WDR4: variants seen among roughly 807,000 people sequenced by gnomAD.
WDR4 encodes the protein WDR4 tRNA N7-guanosine methyltransferase non-catalytic subunit.
Under a neutral mutation model 48.6 loss-of-function variants are expected in WDR4, and 47 were observed. That is an observed-to-expected ratio of 0.97 (90% CI 0.77 to 1.23). The LOEUF (loss-of-function observed/expected upper bound fraction) is 1.23. WDR4 is among the 50% of genes most tolerant of loss of function. The pLI, the probability that WDR4 is intolerant of heterozygous loss-of-function variation, is 0.00. For synonymous variants in WDR4, 268 were observed against 230.0 expected (o/e 1.17, Z -1.49); for missense variants, 606 against 551.6 (o/e 1.10, Z -0.99).
In WDR4 at chr21:42,853,885, G is replaced by A. The variant is rs371907659; in HGVS notation, c.792-133C>T. Reference sequence around the variant, plus strand: ...AGCCTACGCTGAAAGCCCCAGCTGCGCCACTCCCAAATGCCGGCGCCGGGG... The same window carrying A: ...AGCCTACGCTGAAAGCCCCAGCTGCACCACTCCCAAATGCCGGCGCCGGGG... On this transcript the variant is annotated intron_variant, in intron 8 of 10. Coordinates refer to ENST00000398208, the MANE Select transcript of WDR4 (RefSeq NM_018669.6). 1.6e-4 allele frequency: 159 copies of A among 998,420 alleles called. 2 individuals carry two copies. The South Asian group carries it at 1.9e-3, about 12-fold the overall frequency. The allele number at this position is 998,420 out of a possible 1,614,324, so 61.8% of individuals were successfully genotyped here.
At chr21:42,884,247 C>G (rs549203478), upstream of WDR4, among the ~76,000 whole-genome samples, 52 of 152,286 alleles carry the variant, frequency 3.4e-4, 3 homozygotes, top group South Asian at 1.0e-2. Flanking sequence ...GAACATTCCA[C>G]TGGGAATGGA....
the WDR4 span, among the ~76,000 whole-genome samples, chr21:42,888,294 C>A: frequency 1.3e-5 from 2 of 152,196 alleles, no homozygotes; most frequent in Non-Finnish European, 2.9e-5. Context: ...CACAGTGGCT[C>A]ACCCCTGTAA....
intron 8 of WDR4, 76 bp from the exon 9 acceptor site, chr21:42,853,828 C>A: frequency 6.9e-7 from 1 of 1,447,580 alleles, no homozygotes; most frequent in South Asian, 1.3e-5. Context: ...GCACCCCAGA[C>A]GGTGCAGCCC....
At chr21:42,878,451 TA>T (rs1402765303) in intron 1 of WDR4, among the ~76,000 whole-genome samples, 1 of 152,242 alleles carries the variant, frequency 6.6e-6, no homozygotes, top group Non-Finnish European at 1.5e-5. Context: ...CGTGAGTCTC[TA>T]AAACAAAATC....
chr21:42,890,089 T>A, the WDR4 span, among the ~76,000 whole-genome samples: 40,757 of 150,392 alleles, frequency 0.27, 6,114 homozygotes, highest in African/African-American at 0.42. Flanking sequence ...AAGAAAAAAA[T>A]ATATATATTA....
chr21:42,863,274 T>C (rs1176883524), intron 4 of WDR4, among the ~76,000 whole-genome samples, 166 bp downstream of exon 4: 2 of 152,202 alleles, frequency 1.3e-5, no homozygotes, highest in African/African-American at 2.4e-5. Flanking sequence ...TGATTCAGCC[T>C]GTACCCCACA....
At chr21:42,883,006 G>A (rs556402637), upstream of WDR4, among the ~76,000 whole-genome samples, 1 of 150,746 alleles carries the variant, frequency 6.6e-6, no homozygotes, top group South Asian at 2.1e-4. Context: ...GGCTGAGGCA[G>A]GACAACCGCT....
chr21:42,891,433 T>C, the WDR4 span, among the ~76,000 whole-genome samples: 2 of 152,224 alleles, frequency 1.3e-5, no homozygotes, highest in African/African-American at 4.8e-5. Flanking sequence ...TTCTTTTTGT[T>C]TCTTCTTGAG....
Position 42,862,307 on chromosome 21 carries a change from C to G in WDR4, c.541G>C (p.Glu181Gln). 6.2e-7 allele frequency: 1 copy of G among 1,610,478 alleles called. No individual in the cohort carries two copies. Among genetic ancestry groups the G allele is most frequent in the Admixed American group, 1.7e-5 (1 of 59,702 alleles). ...VSWAAAPHSI[E>Q]SFCLGHTEFV... The stretch of plus-strand genomic sequence containing the variant: ...TCTGTGTGCCCCAAGCAGAAGGACT[C>G]GATGCTATGGGGCGCCGCGGCCCAG... The change falls in exon 5 of 11, where the codon GAG becomes CAG. Residue 181 changes from glutamate to glutamine, a missense_variant. Transcript: ENST00000398208. The surrounding 1 kb of genome is among the most constrained non-coding windows in gnomAD (Gnocchi z 4.3).
In WDR4 at chr21:42,863,581, C is replaced by T; in HGVS notation, c.312G>A (p.Arg104=). 1 of 1,613,728 alleles carries T rather than the reference C, an allele frequency of 6.2e-7. No homozygotes were observed. Among genetic ancestry groups the T allele is most frequent in the African/African-American group, 1.3e-5 (1 of 74,934 alleles). The part of the protein sequence containing the change: ...QCLSVRTVAR[R]CTALTFIASE... ...AGGCTATGAAAGTCAGGGCTGTACA[C>T]CTCCTTGCCACGGTCCTAGAAGGCC... Residue 104 remains arginine (R), a synonymous_variant, in exon 4 of 11, where the codon AGG becomes AGA. Transcript: ENST00000398208.
intron 10 of WDR4, among the ~76,000 whole-genome samples, chr21:42,851,792 T>G (rs1322672820): frequency 6.6e-6 from 1 of 152,206 alleles, no homozygotes; most frequent in Non-Finnish European, 1.5e-5. Context: ...GTGACCATCC[T>G]GCCCCTGCTC....
At chr21:42,876,229 T>G (rs927008370) in intron 2 of WDR4, among the ~76,000 whole-genome samples, 4 of 148,850 alleles carry the variant, frequency 2.7e-5, no homozygotes, top group Admixed American at 6.7e-5. Context: ...TTTTTTTTTT[T>G]GGGAGACAGA....
chr21:42,859,599 C>T, intron 6 of WDR4, 63 bp downstream of exon 6: 1 of 512,816 alleles, frequency 2.0e-6, no homozygotes, highest in Non-Finnish European at 3.8e-6. Flanking sequence ...CAGGAGGCGC[C>T]CACCCCACCC....
At chr21:42,871,453 C>T (rs1280567898) in intron 3 of WDR4, among the ~76,000 whole-genome samples, 2 of 152,372 alleles carry the variant, frequency 1.3e-5, no homozygotes, top group Non-Finnish European at 1.5e-5. Flanking sequence ...AGCAGGACAC[C>T]TCAAGGCCAC....
In WDR4 at chr21:42,863,487, C is replaced by T. The variant is rs536922287; in HGVS notation, c.406G>A (p.Gly136Arg). The T allele has an allele frequency of 4.0e-5, 65 of 1,613,934 alleles. No individual in the cohort carries two copies. Among genetic ancestry groups the T allele is most frequent in the African/African-American group, 1.7e-4 (13 of 74,892 alleles). The change falls in exon 4 of 11, where the codon GGG becomes AGG. Residue 136 changes from glycine (G) to arginine (R), a missense_variant. Transcript: ENST00000398208. ...TGCCCCAGCTCTAGACGGCCACACC[C>T]GTGTGGCTCCAGCACCGAAAAGGAG... ...VYSFSVLEPH[G>R]CGRLELGHLS...
the WDR4 span, among the ~76,000 whole-genome samples, chr21:42,892,569 C>T: frequency 2.4e-4 from 34 of 144,542 alleles, no homozygotes; most frequent in African/African-American, 7.9e-4. Context: ...GAAGGTGGCA[C>T]GTCCATCTCC....
At chr21:42,876,840 C>T (rs1346726315) in intron 1 of WDR4, 73 bp from the exon 2 acceptor site, 30 of 1,394,706 alleles carry the variant, frequency 2.2e-5, no homozygotes, top group South Asian at 1.9e-4. Context: ...TTTTTTGAGA[C>T]GGAGTTTCGC....
intron 5 of WDR4, among the ~76,000 whole-genome samples, chr21:42,861,330 G>C (rs7283214): frequency 0.2 from 24,002 of 120,936 alleles, 2,378 homozygotes; most frequent in Non-Finnish European, 0.22. Context: ...GAAGGGAGGG[G>C]AAGGGTGGGG....
Position 42,850,101 on chromosome 21 carries a change from G to T in WDR4, c.1187C>A (p.Pro396His). The change falls in exon 11 of 11, where the codon CCC becomes CAC. Residue 396 changes from proline to histidine, a missense_variant. Transcript: ENST00000398208. The stretch of plus-strand genomic sequence containing the variant: ...TCTCATCTTCTTGGCATGCCCGTCG[G>T]GCCCAGGCGGGGGACTCCGGCGCCG... ...KQRRRSPPPG[P>H]DGHAKKMRPG... 1 of 1,614,120 alleles carries T rather than the reference G, an allele frequency of 6.2e-7. No individual in the cohort carries two copies. The highest frequency in any genetic ancestry group is 8.5e-7 in the Non-Finnish European group (1 of 1,179,986).
Sources: allele counts gnomAD v4.1 joint callset (sites outside exome capture counted in the v4.1 genomes callset), GRCh38; gene constraint gnomAD v4.1.1; non-coding constraint Gnocchi (gnomAD v3.1); transcripts MANE v1.5; gene names NCBI Gene and HGNC (gene_info 2026-07-23, HGNC 2026-07-21).